The following TP63 variants were observed in gnomAD, a reference collection of about 807,000 sequenced individuals.
TP63 encodes tumor protein p63.
Under a neutral mutation model 82.8 loss-of-function variants are expected in TP63, and 17 were observed. The observed-to-expected ratio is 0.21, with a 90% CI of 0.14 to 0.31. The LOEUF (loss-of-function observed/expected upper bound fraction) is 0.31. Ranked by LOEUF, TP63 falls within the 10% of genes least tolerant of loss-of-function variation. TP63 has a pLI of 1.00. For missense variants in TP63, 648 were observed against 895.3 expected, an observed-to-expected ratio of 0.72 and a Z score of 3.52; for synonymous variants, 330 against 321.7, an observed-to-expected ratio of 1.03 and a Z score of -0.28.
In TP63 at chr3:189,789,907, A is replaced by T. The variant is rs539065237; in HGVS notation, c.325-18365A>T. ...TTTTAATTTTTATTTTTGTAAAAAA[A>T]CTTACGTATTTGCGGTTCTCGGTCA... On this transcript the variant is annotated intron_variant, in intron 3 of 13. Coordinates refer to ENST00000264731, the MANE Select transcript of TP63 (RefSeq NM_003722.5). The T allele has an allele frequency of 4.1e-6, 6 of 1,456,640 alleles. No homozygotes were observed. The African/African-American group carries it at 5.8e-5, about 14-fold the overall frequency. The allele number at this position is 1,456,640 out of a possible 1,614,324, so 90.2% of individuals were successfully genotyped here.
chr3:189,677,507 C>T (rs1227962125), intron 1 of TP63, among the ~76,000 whole-genome samples: 1 of 150,764 alleles, frequency 6.6e-6, no homozygotes, highest in Non-Finnish European at 1.5e-5. Context: ...TTGATGCACA[C>T]TTAGGTTGAT....
chr3:189,789,829 C>A (rs1252925539), intron 3 of TP63: 1 of 1,597,130 alleles, frequency 6.3e-7, no homozygotes, highest in Non-Finnish European at 8.5e-7. Flanking sequence ...AATGCCCAGA[C>A]TCAATTTAGT....
At chr3:189,863,212 A>T (rs977542165) in intron 4 of TP63, among the ~76,000 whole-genome samples, 1 of 151,182 alleles carries the variant, frequency 6.6e-6, no homozygotes, top group Non-Finnish European at 1.5e-5. Flanking sequence ...ACATGTTACT[A>T]GGTGCCCCAC....
chr3:189,738,197 C>G (rs1033379563), intron 2 of TP63, among the ~76,000 whole-genome samples: 2 of 152,182 alleles, frequency 1.3e-5, no homozygotes, highest in African/African-American at 4.8e-5. Flanking sequence ...CAGGTACTCA[C>G]TGAGAAGATA....
At chr3:189,882,457 GT>G (rs1209512350) in intron 10 of TP63, among the ~76,000 whole-genome samples, 10 of 133,636 alleles carry the variant, frequency 7.5e-5, no homozygotes, top group Non-Finnish European at 1.3e-4. Context: ...GATGGTCCAT[GT>G]TTTCCCTTTT....
At chr3:189,641,082 G>C (rs1010831424) in intron 1 of TP63, among the ~76,000 whole-genome samples, 2 of 152,002 alleles carry the variant, frequency 1.3e-5, no homozygotes, top group Non-Finnish European at 2.9e-5. Flanking sequence ...TATTTGGTTG[G>C]GGGGACAAGG....
rs1393010736 is a variant in TP63 at position 189,897,147 on chromosome 3, G to A, written c.*2645G>A. On this transcript the variant is annotated 3_prime_UTR_variant, in exon 14 of 14. Coordinates refer to ENST00000264731, the MANE Select transcript of TP63 (RefSeq NM_003722.5). ...ATTATACATGTGATACATTTTTTAA[G>A]CTTCAGTTGCTTGTCTTCTGGTACT... 4.5e-6 allele frequency: 1 copy of A among 222,014 alleles called. No individual in the cohort carries two copies. Among genetic ancestry groups the A allele is most frequent in the East Asian group, 6.7e-5 (1 of 15,030 alleles). 13.8% of individuals were successfully genotyped at this position (222,014 alleles called of 1,614,324 possible).
intron 11 of TP63, among the ~76,000 whole-genome samples, chr3:189,888,263 T>G (rs6790554): frequency 0.99 from 150,909 of 152,294 alleles, 74,771 homozygotes; most frequent in East Asian, 1. Flanking sequence ...AATGATAAAC[T>G]CATCATAAGG....
chr3:189,712,835 T>A (rs1261018188), intron 1 of TP63, among the ~76,000 whole-genome samples: 2 of 152,160 alleles, frequency 1.3e-5, no homozygotes, highest in Non-Finnish European at 1.5e-5. Context: ...GAATTATGTT[T>A]TATTATGAGA....
chr3:189,897,217 CTT>C lies in TP63; in HGVS notation c.*2719_*2720del, dbSNP rs574327104. On this transcript the variant is annotated 3_prime_UTR_variant, in exon 14 of 14. Coordinates refer to ENST00000264731, the MANE Select transcript of TP63 (RefSeq NM_003722.5). ...GGAGCCAGAAGCCAATCTACAATCT[CTT>C]TTTGTTTGCCAGGACATGCAATAAA... The C allele has an allele frequency of 1.4e-3, 297 of 210,462 alleles. No individual in the cohort carries two copies. The highest frequency in any genetic ancestry group is 2.4e-3 in the Non-Finnish European group (249 of 103,350). The allele number at this position is 210,462 out of a possible 1,614,324, so 13.0% of individuals were successfully genotyped here.
chr3:189,703,291 G>A (rs897636926), intron 1 of TP63, among the ~76,000 whole-genome samples: 1 of 152,170 alleles, frequency 6.6e-6, no homozygotes, highest in Non-Finnish European at 1.5e-5. Flanking sequence ...AAAATTAGCT[G>A]GTCGTGGGGG....
intron 1 of TP63, among the ~76,000 whole-genome samples, chr3:189,724,377 ATAAG>A (rs752932460): frequency 4.6e-5 from 7 of 152,130 alleles, no homozygotes; most frequent in African/African-American, 7.2e-5. Flanking sequence ...GTTTGGTTAC[ATAAG>A]TAAGTTTTTT....
At position 189,894,584 on chromosome 3, in the gene TP63, TC is replaced by T. The variant is rs1303792958; in HGVS notation, c.*85del. The T allele has an allele frequency of 2.0e-6, 3 of 1,509,216 alleles. No individual in the cohort carries two copies. In the African/African-American group the frequency reaches 4.1e-5, roughly 21 times the overall value. 93.5% of individuals were successfully genotyped at this position (1,509,216 alleles called of 1,614,324 possible). A position where few individuals can be genotyped will look rare whatever the true frequency, so the allele number is the denominator to read the frequency against. On this transcript the variant is annotated 3_prime_UTR_variant, in exon 14 of 14. Coordinates refer to ENST00000264731, the MANE Select transcript of TP63 (RefSeq NM_003722.5). ...CTCCTGCTTAATCTTCAAAGCCTTCTCCCTAGCTCCTCCCCTTCCTCTTGTC... is the reference window on the plus strand; with the variant it reads ...CTCCTGCTTAATCTTCAAAGCCTTCTCCTAGCTCCTCCCCTTCCTCTTGTC...
At chr3:189,671,204 T>A (rs1322624906) in intron 1 of TP63, among the ~76,000 whole-genome samples, 2 of 151,788 alleles carry the variant, frequency 1.3e-5, no homozygotes, top group African/African-American at 4.8e-5. Flanking sequence ...CCCAAAAATA[T>A]GATTTTAATA....
intron 1 of TP63, among the ~76,000 whole-genome samples, chr3:189,655,678 C>T (rs907859252): frequency 1.3e-5 from 2 of 152,084 alleles, no homozygotes; most frequent in Non-Finnish European, 2.9e-5. Context: ...AGAGAAACTG[C>T]TTAGCTAGAA....
At chr3:189,884,573 G>A (rs558146265) in intron 10 of TP63, among the ~76,000 whole-genome samples, 1 of 152,274 alleles carries the variant, frequency 6.6e-6, no homozygotes, top group Non-Finnish European at 1.5e-5. Context: ...CACAAGGATG[G>A]TGTGACAATC....
chr3:189,859,145 A>G (rs1360661775), intron 4 of TP63, among the ~76,000 whole-genome samples: 1 of 152,234 alleles, frequency 6.6e-6, no homozygotes, highest in Admixed American at 6.5e-5. Context: ...CAAAGAAATG[A>G]TAAATGTTTA....
intron 1 of TP63, among the ~76,000 whole-genome samples, chr3:189,697,233 G>T (rs9828430): frequency 0.61 from 86,371 of 142,246 alleles, 28,002 homozygotes; most frequent in East Asian, 0.85. Flanking sequence ...TCTAGGTTCA[G>T]TTTTTTTTTT....
At chr3:189,651,601 G>A (rs9826717) in intron 1 of TP63, among the ~76,000 whole-genome samples, 71,181 of 143,864 alleles carry the variant, frequency 0.49, 21,677 homozygotes, top group Middle Eastern at 0.72. Flanking sequence ...GAGAAATTCA[G>A]GCCCAAGCTG....
Sources: gnomAD v4.1 joint callset for allele counts (sites outside exome capture counted in the v4.1 genomes callset) on GRCh38, gnomAD v4.1.1 for gene constraint, MANE v1.5 for transcripts, NCBI Gene and HGNC (gene_info 2026-07-23, HGNC 2026-07-21) for gene names.